Variants in NCAM2 observed in about 807,000 individuals in gnomAD.
The protein encoded by NCAM2 is neural cell adhesion molecule 2.
NCAM2 carries 30 observed loss-of-function variants against 98.1 expected under a neutral mutation model. The ratio of observed to expected loss-of-function variants is 0.31; its 90% CI spans 0.23 to 0.41. The LOEUF is 0.41. Ranked by LOEUF, NCAM2 falls within the 10% of genes least tolerant of loss-of-function variation. The pLI is 1.00. For synonymous variants in NCAM2, 368 were observed against 342.4 expected, an observed-to-expected ratio of 1.07 and a Z score of -0.83; for missense variants, 867 against 1,005.8, an observed-to-expected ratio of 0.86 and a Z score of 1.87.
At chr21:21,177,958 A>G (rs1006197415) in intron 1 of NCAM2, among the ~76,000 whole-genome samples, 1 of 152,178 alleles carries the variant, frequency 6.6e-6, no homozygotes, top group African/African-American at 2.4e-5. Flanking sequence ...ATTTTGTTTG[A>G]TAATGTCTGT....
chr21:21,130,505 G>A (rs17794516), intron 1 of NCAM2, among the ~76,000 whole-genome samples: 9,421 of 152,080 alleles, frequency 0.062, 470 homozygotes, highest in East Asian at 0.29. Context: ...TTTCCCGAAT[G>A]TAAAAGCCTA....
intron 15 of NCAM2, among the ~76,000 whole-genome samples, chr21:21,478,714 A>T (rs1985475391): frequency 6.6e-6 from 1 of 152,148 alleles, no homozygotes; most frequent in Non-Finnish European, 1.5e-5. Flanking sequence ...CATTTTAAGG[A>T]CTTTTTTTAC....
At chr21:21,218,697 G>A (rs2070011165) in intron 1 of NCAM2, among the ~76,000 whole-genome samples, 1 of 152,180 alleles carries the variant, frequency 6.6e-6, no homozygotes, top group South Asian at 2.1e-4. Context: ...GGCAATAAGT[G>A]AAATCTCTCC....
chr21:21,267,253 A>G (rs986098947), intron 1 of NCAM2, among the ~76,000 whole-genome samples: 3 of 152,208 alleles, frequency 2.0e-5, no homozygotes, highest in African/African-American at 7.2e-5. Flanking sequence ...GGTGACTCCA[A>G]GCATACTTGT....
chr21:21,481,715 A>T (rs1200067801), intron 15 of NCAM2, among the ~76,000 whole-genome samples: 1 of 152,184 alleles, frequency 6.6e-6, no homozygotes, highest in Admixed American at 6.5e-5. Context: ...AAGGTAGGAG[A>T]TGGTATTCAC....
At chr21:21,299,903 A>G (rs530620244) in intron 5 of NCAM2, among the ~76,000 whole-genome samples, 1 of 152,078 alleles carries the variant, frequency 6.6e-6, no homozygotes, top group Admixed American at 6.6e-5. Context: ...AAAAAGGCAT[A>G]GTATTTGCAT....
chr21:21,060,974 G>C (rs7510001), intron 1 of NCAM2, among the ~76,000 whole-genome samples: 104,618 of 151,970 alleles, frequency 0.69, 37,378 homozygotes, highest in East Asian at 0.84. Context: ...GGCCTAAAAT[G>C]AAGATTGTAT....
intron 1 of NCAM2, among the ~76,000 whole-genome samples, chr21:21,103,291 T>C (rs1340310435): frequency 6.6e-6 from 1 of 152,020 alleles, no homozygotes; most frequent in South Asian, 2.1e-4. Context: ...AACCCAGATC[T>C]GGACACTTTT....
chr21:21,373,783 T>G, intron 8 of NCAM2, 80 bp from the exon 9 acceptor site: 1 of 1,165,002 alleles, frequency 8.6e-7, no homozygotes, highest in Non-Finnish European at 1.2e-6. Context: ...ACATGGGAAG[T>G]AACATAATGT....
At chr21:21,528,435 C>T (rs745580051) in intron 16 of NCAM2, among the ~76,000 whole-genome samples, 6 of 152,028 alleles carry the variant, frequency 3.9e-5, no homozygotes, top group African/African-American at 1.2e-4. Context: ...GGAGGCTATG[C>T]GTGTGTGGGA....
At chr21:21,519,521 C>A (rs1046111887) in intron 16 of NCAM2, among the ~76,000 whole-genome samples, 6 of 151,958 alleles carry the variant, frequency 3.9e-5, no homozygotes, top group Admixed American at 3.9e-4. Context: ...GTTGTGCAGA[C>A]AACCAGGTGT....
chr21:21,001,997 AC>A (rs541955264), intron 1 of NCAM2, among the ~76,000 whole-genome samples: 52 of 152,276 alleles, frequency 3.4e-4, no homozygotes, highest in African/African-American at 1.2e-3. Flanking sequence ...CGGGGCTGTT[AC>A]ATGGCTCCAG....
At chr21:21,426,908 T>G (rs1487419151) in intron 11 of NCAM2, among the ~76,000 whole-genome samples, 1 of 152,210 alleles carries the variant, frequency 6.6e-6, no homozygotes, top group Non-Finnish European at 1.5e-5. Flanking sequence ...ATCGTATAAT[T>G]TGACTCTGAG....
At chr21:21,007,747 C>T (rs373069415) in intron 1 of NCAM2, among the ~76,000 whole-genome samples, 22 of 151,964 alleles carry the variant, frequency 1.4e-4, no homozygotes, top group African/African-American at 4.1e-4. Flanking sequence ...AGGTTTTGGC[C>T]GGGTTCTCTA....
At chr21:21,038,235 T>C (rs1276174236) in intron 1 of NCAM2, among the ~76,000 whole-genome samples, 12 of 152,200 alleles carry the variant, frequency 7.9e-5, no homozygotes, top group Non-Finnish European at 1.5e-5. Flanking sequence ...TACAGATATA[T>C]AGAAATATTA....
At chr21:21,271,582 GAA>G (rs2072500894) in intron 1 of NCAM2, among the ~76,000 whole-genome samples, 1 of 152,082 alleles carries the variant, frequency 6.6e-6, no homozygotes, top group Admixed American at 6.6e-5. Context: ...TATGCTCTAA[GAA>G]AAAGTATTAC....
rs553792013 is a variant in NCAM2 at position 21,405,053 on chromosome 21, T to C, written c.1196-5221T>C. On this transcript the variant is annotated intron_variant, in intron 9 of 17. Coordinates refer to ENST00000400546, the MANE Select transcript of NCAM2 (RefSeq NM_004540.5). ...GTAACTTTACCGGGACTGAAAAACA[T>C]CAAAATTAGAATACACTATTGAGGA... Among the ~76,000 whole-genome samples the C allele has an allele frequency of 3.3e-5, 5 of 152,060 alleles. No individual in the cohort carries two copies. In the South Asian group the frequency reaches 1.0e-3, roughly 32 times the overall value.
intron 12 of NCAM2, among the ~76,000 whole-genome samples, chr21:21,455,384 T>A (rs965972350): frequency 2.4e-4 from 36 of 151,900 alleles, no homozygotes; most frequent in African/African-American, 8.0e-4. Flanking sequence ...TTTTTTGAGC[T>A]CTAAAATGCA....
At chr21:21,448,638 CTA>C (rs1980562965) in intron 12 of NCAM2, among the ~76,000 whole-genome samples, 1 of 151,868 alleles carries the variant, frequency 6.6e-6, no homozygotes, top group South Asian at 2.1e-4. Context: ...AGAGTATTTT[CTA>C]TGATTACACT....
Sources: gnomAD v4.1 joint callset for allele counts (sites outside exome capture counted in the v4.1 genomes callset) on GRCh38, gnomAD v4.1.1 for gene constraint, MANE v1.5 for transcripts, NCBI Gene and HGNC (gene_info 2026-07-23, HGNC 2026-07-21) for gene names.